Variants in TRAF3IP1 observed in about 807,000 individuals in gnomAD.
TRAF3IP1 encodes TRAF3-interacting protein 1.
Under a neutral mutation model 89.9 loss-of-function variants are expected in TRAF3IP1, and 53 were observed. That is an observed-to-expected ratio of 0.59 (90% CI 0.47 to 0.74). TRAF3IP1 has a LOEUF of 0.74. Among genes scored for constraint, TRAF3IP1 ranks in the 30% least tolerant of loss-of-function variants. The pLI, the probability that TRAF3IP1 is intolerant of heterozygous loss-of-function variation, is 0.00. For synonymous variants in TRAF3IP1, 311 were observed against 322.1 expected, an observed-to-expected ratio of 0.97 and a Z score of 0.37; for missense variants, 806 against 866.1, an observed-to-expected ratio of 0.93 and a Z score of 0.87.
At chr2:238,370,326 CTG>C (rs201146233) in intron 15 of TRAF3IP1, among the ~76,000 whole-genome samples, 1,654 of 152,086 alleles carry the variant, frequency 0.011, 10 homozygotes, top group Non-Finnish European at 0.014. Flanking sequence ...TTGTGCATGT[CTG>C]TGTATGCGTA....
chr2:238,365,932 C>A (rs1699853993), intron 15 of TRAF3IP1, among the ~76,000 whole-genome samples: 1 of 152,096 alleles, frequency 6.6e-6, no homozygotes, highest in Non-Finnish European at 1.5e-5. Flanking sequence ...AAATTTGTTA[C>A]CACCCCATTA....
chr2:238,354,615 T>C (rs1321623683), intron 14 of TRAF3IP1, among the ~76,000 whole-genome samples: 1 of 152,130 alleles, frequency 6.6e-6, no homozygotes, highest in African/African-American at 2.4e-5. Flanking sequence ...CTGGAAACGC[T>C]GAAGGATTTT....
rs1291443301 is a variant in TRAF3IP1 at position 238,345,461 on chromosome 2, G to T, written c.1261+863G>T. Among the ~76,000 whole-genome samples the T allele has an allele frequency of 6.6e-6, 1 of 152,232 alleles. No homozygotes were observed. The highest frequency in any genetic ancestry group is 1.5e-5 in the Non-Finnish European group (1 of 68,032). Reference sequence around the variant, plus strand: ...CTGGGATGCGACTGCAGCAGGGCTGGCTCAGCCCAGAGGAAGGGCCAGAGC... The same window carrying T: ...CTGGGATGCGACTGCAGCAGGGCTGTCTCAGCCCAGAGGAAGGGCCAGAGC... On this transcript the variant is annotated intron_variant, in intron 9 of 16. Coordinates refer to ENST00000373327, the MANE Select transcript of TRAF3IP1 (RefSeq NM_015650.4). This position sits in a 1 kb window ranked among gnomAD's most constrained non-coding sequence, Gnocchi z 4.7.
chr2:238,325,491 C>A, intron 2 of TRAF3IP1, 117 bp downstream of exon 2: 1 of 1,052,228 alleles, frequency 9.5e-7, no homozygotes. Flanking sequence ...AATACAAGGT[C>A]AGTGAATTCG....
intron 15 of TRAF3IP1, among the ~76,000 whole-genome samples, chr2:238,365,675 TAA>T (rs1005101488): frequency 6.6e-6 from 1 of 150,976 alleles, no homozygotes; most frequent in African/African-American, 2.4e-5. Flanking sequence ...AAAATAAAAA[TAA>T]AAATAAATAA....
chr2:238,353,412 T>G lies in TRAF3IP1; in HGVS notation c.1612+203T>G, dbSNP rs1699263061. ...AGGCGATGGCTGCTGCTCCCCATCC[T>G]TAGAGGAGGGGGAGGGCACAGTTGG... On this transcript the variant is annotated intron_variant, in intron 14 of 16. Transcript: ENST00000373327. Among the ~76,000 whole-genome samples the G allele has an allele frequency of 2.0e-5, 3 of 152,228 alleles. No homozygotes were observed. In the South Asian group the frequency reaches 6.2e-4, roughly 32 times the overall value.
rs1048955995 is a variant in TRAF3IP1 at position 238,351,399 on chromosome 2, C to T, written c.1452-1428C>T. Among the ~76,000 whole-genome samples, 4 of 151,804 alleles carry T rather than the reference C, an allele frequency of 2.6e-5. No individual in the cohort carries two copies. Among genetic ancestry groups the T allele is most frequent in the African/African-American group, 7.3e-5 (3 of 41,302 alleles). ...TTTTTAGGGAGAGTGATCTGGAAGC[C>T]GAAGCAAGCATAAGGAAATTACTGA... On this transcript the variant is annotated intron_variant, in intron 12 of 16. Coordinates refer to ENST00000373327, the MANE Select transcript of TRAF3IP1 (RefSeq NM_015650.4). This position sits in a 1 kb window ranked among gnomAD's most constrained non-coding sequence, Gnocchi z 5.2.
intron 15 of TRAF3IP1, among the ~76,000 whole-genome samples, chr2:238,376,825 T>A (rs928168846): frequency 6.6e-6 from 1 of 152,360 alleles, no homozygotes; most frequent in Admixed American, 6.5e-5. Flanking sequence ...TTGAGTCTTT[T>A]CTGTTTTCTT....
At chr2:238,336,853 G>C (rs1698410974) in intron 7 of TRAF3IP1, among the ~76,000 whole-genome samples, 2 of 152,092 alleles carry the variant, frequency 1.3e-5, no homozygotes, top group South Asian at 4.1e-4. Flanking sequence ...GAAACAGCTT[G>C]GTAAGCTAAG....
chr2:238,347,420 A>C (rs777130910), intron 9 of TRAF3IP1, 35 bp from the exon 10 acceptor site: 1 of 1,613,516 alleles, frequency 6.2e-7, no homozygotes, highest in African/African-American at 1.3e-5. Flanking sequence ...GGTTGACTAC[A>C]CGAAAGCTAA....
chr2:238,361,581 T>C (rs1268570160), intron 15 of TRAF3IP1, among the ~76,000 whole-genome samples: 1 of 152,082 alleles, frequency 6.6e-6, no homozygotes, highest in Admixed American at 6.5e-5. Context: ...TTACCCCGCC[T>C]TTGTACCCCC....
In TRAF3IP1 at chr2:238,328,910, T is replaced by C. The variant is rs1287184219; in HGVS notation, c.499-16T>C. 8.3e-6 allele frequency: 13 copies of C among 1,571,952 alleles called. No homozygotes were observed. Among genetic ancestry groups the C allele is most frequent in the African/African-American group, 5.5e-5 (4 of 72,250 alleles). ...AGGTAAAAATATTCATAAATGATTT[T>C]ATTTTTATTTCGTAGGATAGAGGAG... On this transcript the variant is annotated splice_polypyrimidine_tract_variant and intron_variant, in intron 4 of 16. Transcript: ENST00000373327.
chr2:238,354,021 G>A (rs939946002), intron 14 of TRAF3IP1, among the ~76,000 whole-genome samples: 3 of 152,170 alleles, frequency 2.0e-5, no homozygotes, highest in Admixed American at 6.5e-5. Flanking sequence ...TGATCCACCC[G>A]CCTTGGCCTC....
chr2:238,329,609 C>T (rs144981827), intron 5 of TRAF3IP1, among the ~76,000 whole-genome samples: 1 of 152,314 alleles, frequency 6.6e-6, no homozygotes, highest in African/African-American at 2.4e-5. Context: ...AGTTTTTAAC[C>T]ATTTCCTACT....
In TRAF3IP1 at chr2:238,399,727, A is replaced by T. The variant is rs192880812; in HGVS notation, c.*808A>T. The T allele has an allele frequency of 6.6e-6, 1 of 152,156 alleles. No homozygotes were observed. The highest frequency in any genetic ancestry group is 1.5e-5 in the Non-Finnish European group (1 of 68,028). The allele number at this position is 152,156 out of a possible 1,614,324, so 9.4% of individuals were successfully genotyped here. ...TTAAGAGGGTCTCGCTCTGCAAAGC[A>T]TTGGCGCCATGGCTTTTCCTTTGCA... On this transcript the variant is annotated 3_prime_UTR_variant, in exon 17 of 17. Coordinates refer to ENST00000373327, the MANE Select transcript of TRAF3IP1 (RefSeq NM_015650.4).
intron 8 of TRAF3IP1, among the ~76,000 whole-genome samples, chr2:238,343,313 T>C (rs1698742812): frequency 6.6e-6 from 1 of 152,122 alleles, no homozygotes. Context: ...CTCGCTCTCT[T>C]GAGCTCATGA....
At position 238,348,717 on chromosome 2, in the gene TRAF3IP1, A is replaced by G. The variant is rs1192904175; in HGVS notation, c.1283-47A>G. The G allele has an allele frequency of 3.4e-6, 5 of 1,476,330 alleles. No homozygotes were observed. In the South Asian group the frequency reaches 3.4e-5, roughly 10 times the overall value. The allele number at this position is 1,476,330 out of a possible 1,614,324, so 91.5% of individuals were successfully genotyped here. On this transcript the variant is annotated intron_variant, in intron 10 of 16. Transcript: ENST00000373327. ...AAATAGTATTTTCAAATAGTTATCT[A>G]TGTGTGTTTTCCTTTGTGAATTGCT...
chr2:238,385,041 A>G (rs1381018157), intron 15 of TRAF3IP1, among the ~76,000 whole-genome samples: 3 of 149,686 alleles, frequency 2.0e-5, no homozygotes, highest in Admixed American at 6.7e-5. Context: ...TTTGAGATGG[A>G]CTCTCGCTCT....
intron 1 of TRAF3IP1, among the ~76,000 whole-genome samples, chr2:238,324,771 T>C (rs534147508): frequency 6.6e-6 from 1 of 151,874 alleles, no homozygotes; most frequent in African/African-American, 2.4e-5. Context: ...ACCCAGCTAA[T>C]TTTTGTATTT....
Sources: allele counts gnomAD v4.1 joint callset (sites outside exome capture counted in the v4.1 genomes callset), GRCh38; gene constraint gnomAD v4.1.1; non-coding constraint Gnocchi (gnomAD v3.1); transcripts MANE v1.5; gene names NCBI Gene and HGNC (gene_info 2026-07-23, HGNC 2026-07-21).